The following CYP27C1 variants were observed in gnomAD, a reference collection of about 807,000 sequenced individuals.
The protein encoded by CYP27C1 is cytochrome P450 27C1.
A neutral mutation model predicts 40.6 loss-of-function variants in CYP27C1; 29 were observed. The ratio of observed to expected loss-of-function variants is 0.71; its 90% CI spans 0.53 to 0.97. The LOEUF (loss-of-function observed/expected upper bound fraction) is 0.97. CYP27C1 is among the 50% of genes least tolerant of loss of function. CYP27C1 has a pLI of 0.00. For missense variants in CYP27C1, 390 were observed against 485.8 expected (o/e 0.80, Z 1.85); for synonymous variants, 198 against 186.8 (o/e 1.06, Z -0.49).
chr2:127,205,165 TG>T (rs1683198044), intron 2 of CYP27C1, among the ~76,000 whole-genome samples: 6 of 152,214 alleles, frequency 3.9e-5, no homozygotes, highest in Admixed American at 3.9e-4. Context: ...CCTCTAGGCC[TG>T]AACATCCAGG....
chr2:127,209,650 C>T lies in CYP27C1; in HGVS notation c.283-3560G>A, dbSNP rs905363810. Among the ~76,000 whole-genome samples, 2 of 152,112 alleles carry T rather than the reference C, an allele frequency of 1.3e-5. No individual in the cohort carries two copies. Among genetic ancestry groups the T allele is most frequent in the Admixed American group, 1.3e-4 (2 of 15,266 alleles). On this transcript the variant is annotated intron_variant, in intron 1 of 8. Transcript: ENST00000664447. This position sits in a 1 kb window ranked among gnomAD's most constrained non-coding sequence, Gnocchi z 4.1. ...TTAGAGGAACTGCTAACTAGAATAA[C>T]CAGTTTAGAGAGGAACATAAATGAC... is the stretch of plus-strand genomic sequence containing the variant.
chr2:127,191,199 T>G (rs1682762002), intron 8 of CYP27C1, among the ~76,000 whole-genome samples: 1 of 152,048 alleles, frequency 6.6e-6, no homozygotes, highest in African/African-American at 2.4e-5. Context: ...GTGAGCCGAT[T>G]GCACCACTGC....
At chr2:127,197,342 G>A (rs1040338703) in intron 5 of CYP27C1, among the ~76,000 whole-genome samples, 3 of 152,078 alleles carry the variant, frequency 2.0e-5, no homozygotes, top group Non-Finnish European at 2.9e-5. Flanking sequence ...TTTTTGTTTT[G>A]TTTTGTTTTG....
intron 1 of CYP27C1, among the ~76,000 whole-genome samples, chr2:127,211,327 C>T (rs969936539): frequency 4.0e-5 from 6 of 148,396 alleles, no homozygotes; most frequent in African/African-American, 1.5e-4. Flanking sequence ...AAAGAGACAA[C>T]GTACCAGAAT....
chr2:127,199,421 C>T lies in CYP27C1; in HGVS notation c.1002G>A (p.Glu334=). 6.2e-7 allele frequency: 1 copy of T among 1,614,238 alleles called. No individual in the cohort carries two copies. Among genetic ancestry groups the T allele is most frequent in the Non-Finnish European group, 8.5e-7 (1 of 1,180,046 alleles). ...LFLSQALTLQ[E]IYANVTEMLL... ...GCATCTCAGTCACGTTGGCGTAGATCTCCTGCAGCGTCAGAGCCTGGCTAA... is the reference window on the plus strand; with the variant it reads ...GCATCTCAGTCACGTTGGCGTAGATTTCCTGCAGCGTCAGAGCCTGGCTAA... Residue 334 remains glutamate, a synonymous_variant, in exon 5 of 9, where the codon GAG becomes GAA. Coordinates refer to ENST00000664447, the MANE Select transcript of CYP27C1 (RefSeq NM_001367502.1).
At chr2:127,206,948 A>C (rs1683240187) in intron 1 of CYP27C1, among the ~76,000 whole-genome samples, 1 of 152,286 alleles carries the variant, frequency 6.6e-6, no homozygotes, top group African/African-American at 2.4e-5. Context: ...AGAACTAATA[A>C]ACAAGTTCAA....
At position 127,211,484 on chromosome 2, in the gene CYP27C1, G is replaced by C. The variant is rs111794447; in HGVS notation, c.283-5394C>G. ...TGCAAGCTCCGCCTCCCGGGTTCAT[G>C]CCATTCTCCTGCCTCAACCTCCCGA... On this transcript the variant is annotated intron_variant, in intron 1 of 8. Transcript: ENST00000664447. Among the ~76,000 whole-genome samples, 188 of 146,638 alleles carry C rather than the reference G, an allele frequency of 1.3e-3. 2 individuals are homozygous for C. The highest frequency in any genetic ancestry group is 4.7e-3 in the African/African-American group (182 of 38,948).
chr2:127,190,325 G>T (rs1553501715), intron 8 of CYP27C1, among the ~76,000 whole-genome samples: 1 of 139,314 alleles, frequency 7.2e-6, no homozygotes, highest in African/African-American at 2.6e-5. Flanking sequence ...ACTATTTGTG[G>T]CTTCTCTTTT....
chr2:127,204,878 G>A (rs1163693667), intron 2 of CYP27C1, among the ~76,000 whole-genome samples: 2 of 152,156 alleles, frequency 1.3e-5, no homozygotes, highest in Non-Finnish European at 2.9e-5. Flanking sequence ...CCACACCTCC[G>A]CATGGCTTGC....
At chr2:127,191,636 T>C (rs1490169374) in intron 8 of CYP27C1, among the ~76,000 whole-genome samples, 1 of 152,238 alleles carries the variant, frequency 6.6e-6, no homozygotes, top group African/African-American at 2.4e-5. Context: ...GGACTGTTTT[T>C]ACTCCTCACA....
intron 1 of CYP27C1, among the ~76,000 whole-genome samples, chr2:127,210,886 A>G (rs1366329090): frequency 6.6e-6 from 1 of 152,160 alleles, no homozygotes; most frequent in African/African-American, 2.4e-5. Context: ...GAGACCTACA[A>G]AGAGACTTAG....
intron 1 of CYP27C1, among the ~76,000 whole-genome samples, chr2:127,207,515 C>T: frequency 6.6e-6 from 1 of 151,938 alleles, no homozygotes; most frequent in South Asian, 2.1e-4. Context: ...CATATATATA[C>T]AAAAATTAGC....
Position 127,200,742 on chromosome 2 carries a change from C to T in CYP27C1, c.883+380G>A, listed in dbSNP as rs919013937. Among the ~76,000 whole-genome samples, 2 of 152,054 alleles carry T rather than the reference C, an allele frequency of 1.3e-5. No homozygotes were observed. The highest frequency in any genetic ancestry group is 1.9e-4 in the East Asian group (1 of 5,194). ...TTTAGGAGGTCAAGGTGGGTGATCA[C>T]CTGAGGTCAGGAATTCAAGACCAGC... On this transcript the variant is annotated intron_variant, in intron 4 of 8. Transcript: ENST00000664447. The surrounding 1 kb of genome is among the most constrained non-coding windows in gnomAD (Gnocchi z 4.2).
chr2:127,203,299 T>C, intron 3 of CYP27C1, 73 bp downstream of exon 3: 1 of 1,531,790 alleles, frequency 6.5e-7, no homozygotes, highest in South Asian at 1.3e-5. Flanking sequence ...CAGGGAATGA[T>C]CCAAGATGAC....
In CYP27C1 at chr2:127,204,516, G is replaced by GGAAA. The variant is rs1270089247; in HGVS notation, c.474-949_474-946dup. ...AGGAAGGAAGGAAGGAAAGAAAGAAGGAAAGAAAGAAAGAAAGAAAGAGAG... is the reference window on the plus strand; with the variant it reads ...AGGAAGGAAGGAAGGAAAGAAAGAAGGAAAGAAAGAAAGAAAGAAAGAAAGAGAG... On this transcript the variant is annotated intron_variant, in intron 2 of 8. Coordinates refer to ENST00000664447, the MANE Select transcript of CYP27C1 (RefSeq NM_001367502.1). Among the ~76,000 whole-genome samples, 62 of 55,886 alleles carry GGAAA rather than the reference G, an allele frequency of 1.1e-3. 3 individuals carry two copies. The highest frequency in any genetic ancestry group is 0.011 in the Middle Eastern group (1 of 90). The allele number at this position is 55,886 out of a possible 152,430, so 36.7% of individuals were successfully genotyped here.
chr2:127,216,827 T>G (rs2104703345), intron 1 of CYP27C1, among the ~76,000 whole-genome samples: 1 of 152,252 alleles, frequency 6.6e-6, no homozygotes, highest in South Asian at 2.1e-4. Flanking sequence ...ACTAAGACTC[T>G]CTTTGGTATC....
At chr2:127,199,668 T>C (rs1406890384) in intron 4 of CYP27C1, 129 bp from the exon 5 acceptor site, 8 of 875,092 alleles carry the variant, frequency 9.1e-6, no homozygotes, top group African/African-American at 1.7e-5. Flanking sequence ...GGAAACCCAA[T>C]TTATCTAACG....
rs1682594484 is a variant in CYP27C1 at position 127,185,238 on chromosome 2, C to T, written c.*2033G>A. On this transcript the variant is annotated 3_prime_UTR_variant, in exon 9 of 9. Transcript: ENST00000664447. The surrounding 1 kb of genome is among the most constrained non-coding windows in gnomAD (Gnocchi z 4.9). ...GGCGTGGATGCTTCCTGGGTGGCGCCCTGCACTTCCTGCTACATCACACCA... is the reference window on the plus strand; with the variant it reads ...GGCGTGGATGCTTCCTGGGTGGCGCTCTGCACTTCCTGCTACATCACACCA... 6.6e-6 allele frequency: 1 copy of T among 152,258 alleles called. No homozygotes were observed. The highest frequency in any genetic ancestry group is 2.4e-5 in the African/African-American group (1 of 41,426). 9.4% of individuals were successfully genotyped at this position (152,258 alleles called of 1,614,324 possible). A position where few individuals can be genotyped will look rare whatever the true frequency, so the allele number is the denominator to read the frequency against.
At chr2:127,197,114 C>T (rs945912932) in intron 5 of CYP27C1, among the ~76,000 whole-genome samples, 4 of 152,208 alleles carry the variant, frequency 2.6e-5, no homozygotes, top group African/African-American at 9.7e-5. Flanking sequence ...TAGTTACCAC[C>T]AGGGGACAGG....
Sources: gnomAD v4.1 joint callset for allele counts (sites outside exome capture counted in the v4.1 genomes callset) on GRCh38, gnomAD v4.1.1 for gene constraint, Gnocchi (gnomAD v3.1) non-coding constraint, MANE v1.5 for transcripts, NCBI Gene and HGNC (gene_info 2026-07-23, HGNC 2026-07-21) for gene names.